The following DCLK1 variants were observed in gnomAD, a reference collection of about 807,000 sequenced individuals.
DCLK1 encodes doublecortin like kinase 1.
A neutral mutation model predicts 86.2 loss-of-function variants in DCLK1; 16 were observed. The observed-to-expected ratio is 0.19, with a 90% CI of 0.13 to 0.28. The LOEUF (loss-of-function observed/expected upper bound fraction) is 0.28. DCLK1 is among the 10% of genes least tolerant of loss of function. The pLI is 1.00. For missense variants in DCLK1, 590 were observed against 940.2 expected (o/e 0.63, Z 4.87); for synonymous variants, 369 against 370.5 (o/e 1.00, Z 0.05).
At chr13:36,121,504 G>A (rs1885991492) in intron 2 of DCLK1, among the ~76,000 whole-genome samples, 1 of 152,196 alleles carries the variant, frequency 6.6e-6, no homozygotes, top group Admixed American at 6.5e-5. Context: ...TGTTTTGAGA[G>A]AGACGCCACA....
chr13:36,011,885 G>A (rs992134411), intron 3 of DCLK1, among the ~76,000 whole-genome samples: 2 of 149,632 alleles, frequency 1.3e-5, no homozygotes, highest in Non-Finnish European at 2.9e-5. Flanking sequence ...GGTCACTCAG[G>A]TCTTGCTTTA....
chr13:35,949,164 A>G (rs1877536160), intron 3 of DCLK1, among the ~76,000 whole-genome samples: 1 of 152,232 alleles, frequency 6.6e-6, no homozygotes, highest in Admixed American at 6.5e-5. Context: ...TAAAGTGTGG[A>G]TGATTAATAC....
At chr13:35,864,564 CAAAAAAAAAAAA>C (rs1191888940) in intron 5 of DCLK1, among the ~76,000 whole-genome samples, 2 of 20,748 alleles carry the variant, frequency 9.6e-5, no homozygotes, top group African/African-American at 3.4e-4. Flanking sequence ...GACTCCGTCT[CAAAAAAAAAAAA>C]AAAAAAAAAA....
At chr13:35,877,144 T>C (rs986749320) in intron 4 of DCLK1, among the ~76,000 whole-genome samples, 31 of 152,192 alleles carry the variant, frequency 2.0e-4, no homozygotes, top group African/African-American at 7.5e-4. Flanking sequence ...GTTTTGGGGA[T>C]TTATAGAAGT....
chr13:35,840,733 G>C (rs889491136), intron 6 of DCLK1, among the ~76,000 whole-genome samples: 1 of 152,182 alleles, frequency 6.6e-6, no homozygotes, highest in Non-Finnish European at 1.5e-5. Flanking sequence ...CCTTGACACA[G>C]AGTTTTTCTT....
chr13:36,039,408 GTAGC>G (rs1882622095), intron 3 of DCLK1, among the ~76,000 whole-genome samples: 1 of 152,140 alleles, frequency 6.6e-6, no homozygotes, highest in South Asian at 2.1e-4. Context: ...CTTCCAAAAG[GTAGC>G]AGCTGGCCTC....
chr13:36,076,985 C>T (rs1011960185), intron 3 of DCLK1, among the ~76,000 whole-genome samples: 1 of 152,094 alleles, frequency 6.6e-6, no homozygotes, highest in African/African-American at 2.4e-5. Flanking sequence ...GATAATGCCC[C>T]CAGTGGAAAG....
intron 3 of DCLK1, among the ~76,000 whole-genome samples, chr13:36,074,205 T>C (rs912531576): frequency 2.6e-5 from 4 of 151,964 alleles, no homozygotes; most frequent in African/African-American, 7.2e-5. Flanking sequence ...CCTCCCATCT[T>C]AAAAACAGAG....
intron 1 of DCLK1, among the ~76,000 whole-genome samples, chr13:36,129,980 T>G (rs528504262): frequency 6.6e-6 from 1 of 152,170 alleles, no homozygotes; most frequent in East Asian, 1.9e-4. Context: ...ATGGCATAAA[T>G]GCTACCACAT....
chr13:35,801,504 T>TG (rs1441632852), intron 15 of DCLK1, among the ~76,000 whole-genome samples: 1 of 85,626 alleles, frequency 1.2e-5, no homozygotes, highest in Non-Finnish European at 2.0e-5. Context: ...ACAGAAAGGG[T>TG]ATTTTTTTTT....
intron 3 of DCLK1, among the ~76,000 whole-genome samples, chr13:35,956,503 T>C (rs1182325034): frequency 6.6e-6 from 1 of 152,070 alleles, no homozygotes; most frequent in African/African-American, 2.4e-5. Context: ...ATTTTGGAGA[T>C]CCTTAAGGGG....
chr13:35,933,172 G>T (rs1297839265), intron 4 of DCLK1, among the ~76,000 whole-genome samples: 3 of 152,204 alleles, frequency 2.0e-5, no homozygotes, highest in Non-Finnish European at 4.4e-5. Context: ...AGGCCATGCT[G>T]ATGCAAGAGG....
intron 3 of DCLK1, among the ~76,000 whole-genome samples, chr13:36,011,192 G>A (rs1459875209): frequency 3.3e-4 from 21 of 63,170 alleles, no homozygotes; most frequent in South Asian, 1.4e-3. Context: ...TGGATTCATT[G>A]ATTTTTTGAA....
chr13:35,961,811 C>G (rs1878477497), intron 3 of DCLK1, among the ~76,000 whole-genome samples: 1 of 152,156 alleles, frequency 6.6e-6, no homozygotes, highest in East Asian at 1.9e-4. Context: ...AAAGTTCTCT[C>G]CTTGTTTCTG....
At chr13:35,976,057 C>A (rs1879312843) in intron 3 of DCLK1, among the ~76,000 whole-genome samples, 1 of 152,212 alleles carries the variant, frequency 6.6e-6, no homozygotes, top group African/African-American at 2.4e-5. Flanking sequence ...GGGAACTCCT[C>A]TAGTCTCCCA....
At chr13:36,003,926 TAAAG>T (rs1334509559) in intron 3 of DCLK1, among the ~76,000 whole-genome samples, 3 of 152,226 alleles carry the variant, frequency 2.0e-5, no homozygotes, top group Non-Finnish European at 2.9e-5. Flanking sequence ...GTTTTCTTAT[TAAAG>T]AAAGAGCAAT....
At chr13:36,110,956 G>C (rs921688682) in intron 3 of DCLK1, among the ~76,000 whole-genome samples, 2 of 149,926 alleles carry the variant, frequency 1.3e-5, no homozygotes, top group African/African-American at 4.9e-5. Context: ...TCAGCCCCCT[G>C]AGTAGCTGGG....
intron 4 of DCLK1, among the ~76,000 whole-genome samples, chr13:35,875,033 A>G (rs1872516222): frequency 6.6e-6 from 1 of 152,244 alleles, no homozygotes; most frequent in Non-Finnish European, 1.5e-5. Flanking sequence ...AAGTTTTGGA[A>G]CTCAAAACCT....
intron 3 of DCLK1, among the ~76,000 whole-genome samples, chr13:36,055,764 A>T (rs925453107): frequency 7.9e-5 from 11 of 138,524 alleles, no homozygotes; most frequent in Non-Finnish European, 1.5e-4. Context: ...GGTCAGTAAT[A>T]GGTCTTTTAT....
Sources: gnomAD v4.1 joint callset for allele counts (sites outside exome capture counted in the v4.1 genomes callset) on GRCh38, gnomAD v4.1.1 for gene constraint, MANE v1.5 for transcripts, NCBI Gene and HGNC (gene_info 2026-07-23, HGNC 2026-07-21) for gene names.